The following ACTR3C variants were observed in gnomAD, a reference collection of about 807,000 sequenced individuals.
The protein encoded by ACTR3C is actin related protein 3C, also known as actin-related protein 3C.
ACTR3C carries 18 observed loss-of-function variants against 26.3 expected under a neutral mutation model. That is an observed-to-expected ratio of 0.68 (90% confidence interval 0.47 to 1.01). The LOEUF (loss-of-function observed/expected upper bound fraction) is 1.01, where lower values mean the gene tolerates loss of function less well. ACTR3C is among the 50% of genes least tolerant of loss of function. ACTR3C has a pLI of 0.00. For missense variants in ACTR3C, 184 were observed against 250.7 expected (o/e 0.73, Z 1.80); for synonymous variants, 55 against 94.5 (o/e 0.58, Z 2.42).
the ACTR3C span, among the ~76,000 whole-genome samples, chr7:149,894,285 T>C: frequency 3.3e-5 from 5 of 152,236 alleles, no homozygotes; most frequent in Admixed American, 3.3e-4. Flanking sequence ...GACCTGAAAC[T>C]GTGGAACTAT....
the ACTR3C span, among the ~76,000 whole-genome samples, chr7:150,136,013 C>T: frequency 6.6e-6 from 1 of 152,104 alleles, no homozygotes; most frequent in African/African-American, 2.4e-5. Flanking sequence ...ATGAAGAAAT[C>T]ACCACAGGAT....
rs1350404687 is a variant in ACTR3C, at chr7:150,247,417, C to T, written c.*191G>A. 2 of 149,908 alleles carry T rather than the reference C, an allele frequency of 1.3e-5. No homozygotes were observed. Among genetic ancestry groups the T allele is most frequent in the Non-Finnish European group, 3.0e-5 (2 of 67,666 alleles). The allele number at this position is 149,908 out of a possible 1,614,324, so 9.3% of individuals were successfully genotyped here. On this transcript the variant is annotated 3_prime_UTR_variant, in exon 8 of 8. Coordinates refer to ENST00000683684, the MANE Select transcript of ACTR3C (RefSeq NM_001164458.2). ...AGTAAGGATGCAACAGTTTGTGGTT[C>T]TCTAGAGAGCTTTGCCACCAGTTTT...
the ACTR3C span, among the ~76,000 whole-genome samples, chr7:150,217,294 C>T: frequency 6.6e-6 from 1 of 151,698 alleles, no homozygotes; most frequent in Non-Finnish European, 1.5e-5. Context: ...TCTGCTGCTT[C>T]CAGAGACTGA....
chr7:150,095,618 C>A, the ACTR3C span, among the ~76,000 whole-genome samples: 83,019 of 146,694 alleles, frequency 0.57, 24,990 homozygotes, highest in East Asian at 0.73. Context: ...AAACAAAGTC[C>A]TATGCTTTTT....
At chr7:150,191,323 G>A in the ACTR3C span, among the ~76,000 whole-genome samples, 30 of 152,092 alleles carry the variant, frequency 2.0e-4, no homozygotes, top group Admixed American at 1.4e-3. Context: ...ACATCTTACC[G>A]ATATTAGATC....
the ACTR3C span, among the ~76,000 whole-genome samples, chr7:149,896,807 C>A: frequency 6.6e-6 from 1 of 151,968 alleles, no homozygotes; most frequent in African/African-American, 2.4e-5. Context: ...CGCCTGTAAT[C>A]CCAGCACTTT....
At chr7:149,957,870 C>A in the ACTR3C span, among the ~76,000 whole-genome samples, 1 of 152,126 alleles carries the variant, frequency 6.6e-6, no homozygotes, top group Non-Finnish European at 1.5e-5. Flanking sequence ...CTGGCCACAC[C>A]TGCTTCCTCT....
At chr7:150,120,622 G>A in the ACTR3C span, among the ~76,000 whole-genome samples, 6 of 152,034 alleles carry the variant, frequency 3.9e-5, no homozygotes, top group Non-Finnish European at 7.4e-5. Flanking sequence ...AAAAGCCCAG[G>A]ACCAGACGGA....
the ACTR3C span, among the ~76,000 whole-genome samples, chr7:150,097,911 C>T: frequency 6.6e-6 from 1 of 151,526 alleles, no homozygotes; most frequent in Non-Finnish European, 1.5e-5. Context: ...CACTCAGGCT[C>T]TAAGCAGAGA....
the ACTR3C span, among the ~76,000 whole-genome samples, chr7:149,969,013 A>AAC: frequency 1.3e-5 from 2 of 151,686 alleles, no homozygotes; most frequent in Admixed American, 1.3e-4. Context: ...TGTTAATAGG[A>AAC]ACAAAGATTT....
chr7:150,039,753 C>T, the ACTR3C span, among the ~76,000 whole-genome samples: 8 of 130,236 alleles, frequency 6.1e-5, no homozygotes, highest in Non-Finnish European at 1.2e-4. Flanking sequence ...GCCTCCCCCT[C>T]CTGCGATGGG....
chr7:149,978,905 C>T, the ACTR3C span, among the ~76,000 whole-genome samples: 16 of 152,116 alleles, frequency 1.1e-4, no homozygotes, highest in Admixed American at 2.0e-4. Context: ...GCGGACTGTT[C>T]GGGAGATCTG....
chr7:150,240,387 T>C (rs1225180540), downstream of ACTR3C, among the ~76,000 whole-genome samples: 1 of 152,196 alleles, frequency 6.6e-6, no homozygotes, highest in Non-Finnish European at 1.5e-5. Flanking sequence ...TTGCTTGTAA[T>C]GCTGATGAGA....
chr7:150,300,798 T>G (rs1274724687), intron 1 of ACTR3C, among the ~76,000 whole-genome samples: 1 of 151,384 alleles, frequency 6.6e-6, no homozygotes, highest in Non-Finnish European at 1.5e-5. Context: ...CACAACATGG[T>G]ATTTATTTCA....
the ACTR3C span, among the ~76,000 whole-genome samples, chr7:149,976,480 G>T: frequency 6.6e-6 from 1 of 151,738 alleles, no homozygotes; most frequent in Non-Finnish European, 1.5e-5. Context: ...AGGCTGAGGC[G>T]GGAGAATGGC....
chr7:150,227,314 C>T, the ACTR3C span, among the ~76,000 whole-genome samples: 1 of 150,996 alleles, frequency 6.6e-6, no homozygotes, highest in African/African-American at 2.5e-5. Context: ...CATTTTTAGC[C>T]CCAGTAACTA....
chr7:150,198,824 C>A, the ACTR3C span, among the ~76,000 whole-genome samples: 2 of 145,140 alleles, frequency 1.4e-5, no homozygotes, highest in South Asian at 4.4e-4. Flanking sequence ...GCCCCCCGCC[C>A]GGCCAGCCGC....
At chr7:150,266,479 T>C (rs564840999) in intron 6 of ACTR3C, among the ~76,000 whole-genome samples, 7 of 151,792 alleles carry the variant, frequency 4.6e-5, no homozygotes, top group Non-Finnish European at 8.8e-5. Flanking sequence ...AAAATTTCTT[T>C]GAAAAACCAT....
At chr7:149,939,673 TC>T in the ACTR3C span, among the ~76,000 whole-genome samples, 1 of 150,690 alleles carries the variant, frequency 6.6e-6, no homozygotes, top group Non-Finnish European at 1.5e-5. Context: ...AGCAGATACC[TC>T]ACTGGGTTAT....
Sources: gnomAD v4.1 joint callset for allele counts (sites outside exome capture counted in the v4.1 genomes callset) on GRCh38, gnomAD v4.1.1 for gene constraint, MANE v1.5 for transcripts, NCBI Gene and HGNC (gene_info 2026-07-23, HGNC 2026-07-21) for gene names.